The following RPS6KA5 variants were observed in gnomAD, a reference collection of about 807,000 sequenced individuals.
The protein encoded by RPS6KA5 is ribosomal protein S6 kinase A5.
A neutral mutation model predicts 85.5 loss-of-function variants in RPS6KA5; 27 were observed. The observed-to-expected ratio is 0.32, with a 90% CI of 0.23 to 0.44. The LOEUF (loss-of-function observed/expected upper bound fraction) is 0.44, where lower values mean the gene tolerates loss of function less well. Ranked by LOEUF, RPS6KA5 falls within the 20% of genes least tolerant of loss-of-function variation. RPS6KA5 has a pLI of 1.00. For synonymous variants in RPS6KA5, 334 were observed against 348.2 expected, an observed-to-expected ratio of 0.96 and a Z score of 0.46; for missense variants, 811 against 980.9, an observed-to-expected ratio of 0.83 and a Z score of 2.31.
intron 1 of RPS6KA5, among the ~76,000 whole-genome samples, chr14:91,051,045 T>C (rs907835046): frequency 6.6e-6 from 1 of 151,860 alleles, no homozygotes; most frequent in African/African-American, 2.4e-5. Context: ...CTGGCCAACA[T>C]AGCGAAACCC....
intron 5 of RPS6KA5, among the ~76,000 whole-genome samples, chr14:90,924,053 T>C (rs1296064220): frequency 6.6e-6 from 1 of 152,130 alleles, no homozygotes; most frequent in Non-Finnish European, 1.5e-5. Flanking sequence ...ATCTGGTGCT[T>C]TGGGGGAGGA....
intron 3 of RPS6KA5, among the ~76,000 whole-genome samples, chr14:90,973,145 G>C (rs1446646270): frequency 1.3e-5 from 2 of 152,172 alleles, no homozygotes; most frequent in South Asian, 2.1e-4. Flanking sequence ...GGCAAAATTA[G>C]AGATGGCAAA....
intron 14 of RPS6KA5, among the ~76,000 whole-genome samples, chr14:90,882,961 C>T (rs1412531665): frequency 6.6e-6 from 1 of 152,030 alleles, no homozygotes; most frequent in Non-Finnish European, 1.5e-5. Context: ...CCACGCCTGG[C>T]TAATTTGTGT....
At chr14:90,967,255 A>T (rs994708336) in intron 3 of RPS6KA5, among the ~76,000 whole-genome samples, 2 of 152,176 alleles carry the variant, frequency 1.3e-5, no homozygotes, top group African/African-American at 4.8e-5. Flanking sequence ...GTATTTCTTA[A>T]ATGGTCTTCT....
In RPS6KA5 at chr14:91,019,942, C is replaced by T. The variant is rs1275032443; in HGVS notation, c.104-18783G>A. Among the ~76,000 whole-genome samples, 4 of 152,298 alleles carry T rather than the reference C, an allele frequency of 2.6e-5. No homozygotes were observed. In the East Asian group the frequency reaches 7.7e-4, roughly 29 times the overall value. ...GCTTACTCAAACCTAGATGGTACAG[C>T]CTACTATACACCTAGGCTAGATGAT... On this transcript the variant is annotated intron_variant, in intron 1 of 16. Coordinates refer to ENST00000614987, the MANE Select transcript of RPS6KA5 (RefSeq NM_004755.4).
chr14:90,921,793 T>G (rs1026441631), intron 6 of RPS6KA5, among the ~76,000 whole-genome samples: 1 of 152,104 alleles, frequency 6.6e-6, no homozygotes, highest in Non-Finnish European at 1.5e-5. Flanking sequence ...CAGCCAGATA[T>G]CTGAACTGCA....
chr14:91,019,736 C>A (rs967309849), intron 1 of RPS6KA5, among the ~76,000 whole-genome samples: 2 of 152,210 alleles, frequency 1.3e-5, no homozygotes, highest in African/African-American at 4.8e-5. Flanking sequence ...CCATAGCTCC[C>A]ACTCAGCCAG....
chr14:90,917,170 CA>C (rs982831496), intron 7 of RPS6KA5, among the ~76,000 whole-genome samples: 1 of 151,800 alleles, frequency 6.6e-6, no homozygotes, highest in Non-Finnish European at 1.5e-5. Context: ...TTCAAACTGC[CA>C]AAAAATCAAT....
chr14:90,923,829 T>A (rs1423429479), intron 5 of RPS6KA5, among the ~76,000 whole-genome samples: 1 of 152,152 alleles, frequency 6.6e-6, no homozygotes. Context: ...ATGTTTCCTT[T>A]TTATAGAATT....
intron 1 of RPS6KA5, among the ~76,000 whole-genome samples, chr14:91,021,733 C>T (rs1008093351): frequency 9.9e-5 from 15 of 152,178 alleles, no homozygotes; most frequent in African/African-American, 3.4e-4. Context: ...CATTTTAATG[C>T]ACAAGTTGTC....
chr14:90,994,584 T>A (rs1357630138), intron 2 of RPS6KA5, among the ~76,000 whole-genome samples: 2 of 137,692 alleles, frequency 1.5e-5, no homozygotes, highest in Non-Finnish European at 3.1e-5. Flanking sequence ...TTTTTTTTTT[T>A]TTTTTGAGAC....
intron 11 of RPS6KA5, among the ~76,000 whole-genome samples, chr14:90,899,794 A>G (rs567390491): frequency 6.6e-6 from 1 of 152,370 alleles, no homozygotes; most frequent in Non-Finnish European, 1.5e-5. Flanking sequence ...TTTCAAATAC[A>G]CAACTAGTAG....
At chr14:90,883,762 C>T (rs1027284787) in intron 14 of RPS6KA5, among the ~76,000 whole-genome samples, 2 of 152,138 alleles carry the variant, frequency 1.3e-5, no homozygotes, top group Non-Finnish European at 2.9e-5. Context: ...CAAAATTCTC[C>T]TCCTTCCCTA....
chr14:91,024,297 A>G (rs995677117), intron 1 of RPS6KA5, among the ~76,000 whole-genome samples: 3 of 151,770 alleles, frequency 2.0e-5, no homozygotes, highest in African/African-American at 7.3e-5. Flanking sequence ...TTCGTTTTTA[A>G]TACCTGATTC....
chr14:90,947,338 T>C (rs984741090), intron 4 of RPS6KA5, 97 bp downstream of exon 4: 9 of 697,486 alleles, frequency 1.3e-5, no homozygotes, highest in Non-Finnish European at 5.1e-6. Context: ...TAATCTCCAC[T>C]AAGACAATAA....
intron 2 of RPS6KA5, among the ~76,000 whole-genome samples, chr14:90,995,454 G>A (rs1301102958): frequency 2.0e-5 from 3 of 152,100 alleles, no homozygotes; most frequent in African/African-American, 7.2e-5. Flanking sequence ...TCCCTTTGCA[G>A]GCTAGATTTT....
At chr14:91,014,792 CAA>C (rs1018845006) in intron 1 of RPS6KA5, among the ~76,000 whole-genome samples, 1 of 151,942 alleles carries the variant, frequency 6.6e-6, no homozygotes, top group African/African-American at 2.4e-5. Context: ...TTAAATATTT[CAA>C]GTTTTTACAT....
At chr14:91,045,089 CT>C (rs2042816489) in intron 1 of RPS6KA5, among the ~76,000 whole-genome samples, 1 of 152,098 alleles carries the variant, frequency 6.6e-6, no homozygotes, top group Non-Finnish European at 1.5e-5. Context: ...GATTTATAAT[CT>C]ACTAAACTGA....
chr14:90,948,767 T>G (rs2038018090), intron 3 of RPS6KA5, among the ~76,000 whole-genome samples: 1 of 151,904 alleles, frequency 6.6e-6, no homozygotes, highest in Non-Finnish European at 1.5e-5. Context: ...ACACAGGATT[T>G]GCGTGTGAGA....
Sources: gnomAD v4.1 joint callset for allele counts (sites outside exome capture counted in the v4.1 genomes callset) on GRCh38, gnomAD v4.1.1 for gene constraint, MANE v1.5 for transcripts, NCBI Gene and HGNC (gene_info 2026-07-23, HGNC 2026-07-21) for gene names.